SYT14: variants seen among roughly 807,000 people sequenced by gnomAD.
SYT14 encodes the protein synaptotagmin 14.
A neutral mutation model predicts 74.2 loss-of-function variants in SYT14; 32 were observed. The observed-to-expected ratio is 0.43, with a 90% confidence interval of 0.33 to 0.58. The LOEUF is 0.58. Ranked by LOEUF, SYT14 falls within the 20% of genes least tolerant of loss-of-function variation. The probability of loss-of-function intolerance (pLI) is 0.05; values close to 1 mark genes in which losing one functional copy is unlikely to be tolerated. For missense variants in SYT14, 791 were observed against 981.8 expected (o/e 0.81, Z 2.60); for synonymous variants, 298 against 337.7 (o/e 0.88, Z 1.29).
intron 5 of SYT14, among the ~76,000 whole-genome samples, chr1:210,049,074 C>T (rs2080939891): frequency 6.6e-6 from 1 of 152,232 alleles, no homozygotes; most frequent in Admixed American, 6.5e-5. Context: ...TGTGGCTCTG[C>T]AGGGTACAGC....
intron 7 of SYT14, among the ~76,000 whole-genome samples, chr1:210,129,350 T>C (rs944700374): frequency 6.6e-6 from 1 of 152,220 alleles, no homozygotes; most frequent in South Asian, 2.1e-4. Flanking sequence ...TTTCACATAA[T>C]GGCCGTCTTG....
chr1:210,060,489 C>T (rs559465929), intron 5 of SYT14, among the ~76,000 whole-genome samples: 17 of 152,098 alleles, frequency 1.1e-4, no homozygotes, highest in African/African-American at 3.6e-4. Flanking sequence ...TCAGGATTAA[C>T]GTGAGAATTC....
At chr1:210,030,456 ATTTG>A (rs1000418660) in intron 5 of SYT14, among the ~76,000 whole-genome samples, 12 of 152,148 alleles carry the variant, frequency 7.9e-5, no homozygotes, top group African/African-American at 2.4e-4. Flanking sequence ...ACCTGGTCTG[ATTTG>A]TTTATTAGTT....
chr1:210,114,455 T>G (rs1453667488), intron 7 of SYT14, among the ~76,000 whole-genome samples: 1 of 151,242 alleles, frequency 6.6e-6, no homozygotes, highest in Non-Finnish European at 1.5e-5. Context: ...TTGTGGGGTT[T>G]GAGGGCTGGA....
chr1:210,130,693 C>G (rs981372134), intron 7 of SYT14, among the ~76,000 whole-genome samples: 2 of 152,140 alleles, frequency 1.3e-5, no homozygotes, highest in African/African-American at 2.4e-5. Context: ...AATAACACAT[C>G]GTGATAAAGT....
At chr1:210,103,277 G>A (rs546706425) in intron 7 of SYT14, among the ~76,000 whole-genome samples, 9 of 152,034 alleles carry the variant, frequency 5.9e-5, no homozygotes, top group South Asian at 2.1e-4. Context: ...AAGGCCGGGC[G>A]CAGTGGCTCA....
intron 8 of SYT14, among the ~76,000 whole-genome samples, chr1:210,158,674 A>G (rs1370929426): frequency 1.3e-5 from 2 of 152,188 alleles, no homozygotes. Flanking sequence ...GAATAGGTAT[A>G]GCAATTGCCA....
At chr1:209,987,774 A>G (rs61820393) in intron 2 of SYT14, among the ~76,000 whole-genome samples, 16,543 of 152,218 alleles carry the variant, frequency 0.11, 1,218 homozygotes, top group Non-Finnish European at 0.15. Flanking sequence ...TATTCTTTCA[A>G]TACTTTAAAG....
At chr1:210,166,577 AAGG>A (rs922054299) in exon 10 of SYT14, 14 of 152,248 alleles carry the variant, frequency 9.2e-5, no homozygotes, top group African/African-American at 3.4e-4. Flanking sequence ...GGGAGGAAGA[AAGG>A]AGGGAGAGAG....
At chr1:210,025,272 G>A (rs1558137021) in intron 5 of SYT14, among the ~76,000 whole-genome samples, 1 of 152,118 alleles carries the variant, frequency 6.6e-6, no homozygotes, top group Non-Finnish European at 1.5e-5. Flanking sequence ...GAACTGCTGG[G>A]CACAGTTCTC....
chr1:210,065,476 AGCTGT>A (rs1438724466), intron 5 of SYT14, among the ~76,000 whole-genome samples: 1 of 151,836 alleles, frequency 6.6e-6, no homozygotes, highest in African/African-American at 2.4e-5. Flanking sequence ...AGGCCTCCCC[AGCTGT>A]GCTGAACTGT....
At chr1:210,076,773 A>G (rs1432856022) in intron 5 of SYT14, among the ~76,000 whole-genome samples, 11 of 152,134 alleles carry the variant, frequency 7.2e-5, no homozygotes, top group African/African-American at 2.7e-4. Context: ...TAAACAGCCA[A>G]ATCTCATGAT....
chr1:210,159,128 T>TTAA (rs913494656), intron 8 of SYT14, among the ~76,000 whole-genome samples: 1 of 152,146 alleles, frequency 6.6e-6, no homozygotes, highest in Non-Finnish European at 1.5e-5. Context: ...ATATGCATGA[T>TTAA]TCTATGTTCA....
chr1:210,055,644 G>A (rs72649944), intron 5 of SYT14, among the ~76,000 whole-genome samples: 4 of 150,704 alleles, frequency 2.7e-5, no homozygotes, highest in African/African-American at 4.9e-5. Flanking sequence ...TAATGAAACC[G>A]CATCTCTACA....
At chr1:209,992,402 C>A (rs227197) in intron 2 of SYT14, among the ~76,000 whole-genome samples, 52,088 of 151,960 alleles carry the variant, frequency 0.34, 9,898 homozygotes, top group Non-Finnish European at 0.42. Flanking sequence ...GAACTGGAGG[C>A]CATTATTTTA....
chr1:209,993,275 C>G (rs1183600392), intron 2 of SYT14, among the ~76,000 whole-genome samples: 1 of 152,196 alleles, frequency 6.6e-6, no homozygotes, highest in Non-Finnish European at 1.5e-5. Flanking sequence ...GCTCGCCTGT[C>G]GACTGCCCCT....
At chr1:210,066,752 G>C (rs1164448078) in intron 5 of SYT14, among the ~76,000 whole-genome samples, 1 of 151,928 alleles carries the variant, frequency 6.6e-6, no homozygotes, top group Non-Finnish European at 1.5e-5. Context: ...TGTCAATTTT[G>C]GCTTTTGTAG....
chr1:210,026,603 C>G (rs892085231), intron 5 of SYT14, among the ~76,000 whole-genome samples: 3 of 125,472 alleles, frequency 2.4e-5, no homozygotes, highest in Non-Finnish European at 4.9e-5. Flanking sequence ...GGGTATATAG[C>G]TTACACACAC....
intron 2 of SYT14, among the ~76,000 whole-genome samples, chr1:209,992,583 G>C (rs11590161): frequency 0.19 from 29,535 of 152,076 alleles, 3,640 homozygotes; most frequent in Middle Eastern, 0.28. Context: ...AATGGGTACA[G>C]TGTATACTTA....
Sources: allele counts gnomAD v4.1 joint callset (sites outside exome capture counted in the v4.1 genomes callset), GRCh38; gene constraint gnomAD v4.1.1; transcripts MANE v1.5; gene names NCBI Gene and HGNC (gene_info 2026-07-23, HGNC 2026-07-21).